RYR2: variants seen among roughly 807,000 people sequenced by gnomAD.
RYR2 encodes ryanodine receptor 2, also known as cardiac muscle ryanodine receptor-calcium release channel.
Under a neutral mutation model 601.1 loss-of-function variants are expected in RYR2, and 227 were observed. That is an observed-to-expected ratio of 0.38 (90% CI 0.34 to 0.42). The LOEUF is 0.42. Ranked by LOEUF, RYR2 falls within the 10% of genes least tolerant of loss-of-function variation. The probability of loss-of-function intolerance (pLI) is 1.00; values close to 1 mark genes in which losing one functional copy is unlikely to be tolerated. For missense variants in RYR2, 4,646 were observed against 6,156.5 expected, an observed-to-expected ratio of 0.75 and a Z score of 8.21; for synonymous variants, 2,223 against 2,175.1, an observed-to-expected ratio of 1.02 and a Z score of -0.61.
At chr1:237,313,603 G>A (rs770290634) in intron 2 of RYR2, among the ~76,000 whole-genome samples, 1 of 152,104 alleles carries the variant, frequency 6.6e-6, no homozygotes, top group Non-Finnish European at 1.5e-5. Context: ...TTTTACTTTA[G>A]CCTAATTACA....
intron 47 of RYR2, 123 bp from the exon 48 acceptor site, chr1:237,643,204 C>G: frequency 8.3e-7 from 1 of 1,198,650 alleles, no homozygotes; most frequent in Non-Finnish European, 1.2e-6. Flanking sequence ...AGAGGCATAA[C>G]TTTATGTATA....
At chr1:237,719,763 C>T (rs1327043614) in intron 73 of RYR2, among the ~76,000 whole-genome samples, 2 of 151,744 alleles carry the variant, frequency 1.3e-5, no homozygotes, top group African/African-American at 4.9e-5. Flanking sequence ...CAGGTCCCGT[C>T]TCCAACACTG....
Position 237,441,335 on chromosome 1 carries a change from G to A in RYR2, c.1022G>A (p.Gly341Glu). Residue 341 changes from glycine to glutamate, a missense_variant, in exon 13 of 105, where the codon GGG becomes GAG. This residue lies in a region of RYR2 where 1,807 missense variants were observed against 2,088.1 expected (regional missense o/e 0.87). Coordinates refer to ENST00000366574, the MANE Select transcript of RYR2 (RefSeq NM_001035.3). ...FRSSKEKLDV[G>E]VRKEVDGMGT... ...TCCCCTTAGGAAAAATTGGATGTAG[G>A]GGTGAGAAAAGAAGTAGATGGCATG... is the stretch of plus-strand genomic sequence containing the variant. 6.2e-7 allele frequency: 1 copy of A among 1,613,566 alleles called. No individual in the cohort carries two copies. Among genetic ancestry groups the A allele is most frequent in the South Asian group, 1.1e-5 (1 of 91,064 alleles).
intron 89 of RYR2, among the ~76,000 whole-genome samples, chr1:237,783,182 T>G (rs1309356712): frequency 1.6e-5 from 2 of 127,178 alleles, no homozygotes; most frequent in African/African-American, 7.1e-5. Context: ...CTTTAATAAT[T>G]AAGTCACAAT....
rs780024377 is a variant in RYR2 at position 237,593,627 on chromosome 1, T to A, written c.4427T>A (p.Val1476Glu). The change falls in exon 33 of 105, where the codon GTG becomes GAG. Residue 1476 changes from valine to glutamate, a missense_variant. Coordinates refer to ENST00000366574, the MANE Select transcript of RYR2 (RefSeq NM_001035.3). ...TVTLGDEKGKVHESIKRSNCY... is the reference protein window; with the variant it reads ...TVTLGDEKGKEHESIKRSNCY... The stretch of plus-strand genomic sequence containing the variant: ...ACTCTAGGAGATGAAAAAGGAAAAG[T>A]GCATGAAAGGTTAGTTTTCCTCAAT... 6.2e-7 allele frequency: 1 copy of A among 1,613,776 alleles called. No individual in the cohort carries two copies.
intron 98 of RYR2, among the ~76,000 whole-genome samples, chr1:237,805,604 A>G (rs202182389): frequency 0.16 from 21,467 of 138,388 alleles, 2,598 homozygotes; most frequent in East Asian, 0.47. Flanking sequence ...AAAAAAAAAA[A>G]AGTATAGTGT....
intron 10 of RYR2, among the ~76,000 whole-genome samples, chr1:237,415,298 G>A (rs991412679): frequency 3.3e-5 from 5 of 152,120 alleles, no homozygotes; most frequent in East Asian, 1.9e-4. Context: ...TTTATGCAGC[G>A]ACAGTTGAAA....
intron 1 of RYR2, among the ~76,000 whole-genome samples, chr1:237,270,102 C>T (rs1352384890): frequency 6.6e-6 from 1 of 152,084 alleles, no homozygotes; most frequent in Non-Finnish European, 1.5e-5. Context: ...GAATCTGTTC[C>T]GTTCTTGATG....
At chr1:237,772,893 G>C (rs1463422950) in intron 86 of RYR2, among the ~76,000 whole-genome samples, 2 of 152,028 alleles carry the variant, frequency 1.3e-5, no homozygotes, top group Admixed American at 1.3e-4. Flanking sequence ...GTAGTTCACA[G>C]CTCAACTAAA....
At chr1:237,361,633 T>G (rs773546770) in intron 4 of RYR2, among the ~76,000 whole-genome samples, 1 of 152,216 alleles carries the variant, frequency 6.6e-6, no homozygotes, top group Non-Finnish European at 1.5e-5. Flanking sequence ...GACATTTCAA[T>G]AACAGTTTCT....
rs149756745 is a variant in RYR2 at position 237,572,925 on chromosome 1, G to A, written c.3598+3606G>A. On this transcript the variant is annotated intron_variant, in intron 29 of 104. Coordinates refer to ENST00000366574, the MANE Select transcript of RYR2 (RefSeq NM_001035.3). ...TCCTTAATTTACCTGTCACTACTGG[G>A]AGCTAGCATTGAGGTAGCTAGAGCT... Among the ~76,000 whole-genome samples, 496 of 152,166 alleles carry A rather than the reference G, an allele frequency of 3.3e-3. 12 individuals are homozygous for A. In the East Asian group the frequency reaches 0.061, roughly 19 times the overall value.
At position 237,637,138 on chromosome 1, in the gene RYR2, C is replaced by A. The variant is rs116517591; in HGVS notation, c.6793-1219C>A. Among the ~76,000 whole-genome samples the A allele has an allele frequency of 3.0e-3, 460 of 152,278 alleles. 2 individuals are homozygous for A. The highest frequency in any genetic ancestry group is 0.011 in the African/African-American group (437 of 41,556). ...ACAGATGTCTACATCTCTCAAAGCT[C>A]ATTGAATTTATACTTCAAAGAGATG... On this transcript the variant is annotated intron_variant, in intron 44 of 104. Coordinates refer to ENST00000366574, the MANE Select transcript of RYR2 (RefSeq NM_001035.3).
chr1:237,737,348 C>T (rs1414342024), intron 79 of RYR2, among the ~76,000 whole-genome samples: 3 of 152,196 alleles, frequency 2.0e-5, no homozygotes, highest in Admixed American at 2.0e-4. Flanking sequence ...CAGTTTGTTA[C>T]ACTCGGCACA....
intron 3 of RYR2, among the ~76,000 whole-genome samples, chr1:237,344,757 C>G (rs535964063): frequency 6.6e-6 from 1 of 152,238 alleles, no homozygotes; most frequent in Non-Finnish European, 1.5e-5. Context: ...CATTCTTTAA[C>G]CAACACCACA....
chr1:237,081,261 C>T (rs1665589416), intron 1 of RYR2, among the ~76,000 whole-genome samples: 1 of 120,022 alleles, frequency 8.3e-6, no homozygotes, highest in Non-Finnish European at 1.7e-5. Flanking sequence ...GCACATGTAC[C>T]CTAAAACTTA....
chr1:237,800,702 A>G (rs1241451727), intron 97 of RYR2, among the ~76,000 whole-genome samples: 3 of 152,254 alleles, frequency 2.0e-5, no homozygotes, highest in African/African-American at 7.2e-5. Context: ...TACAATTTCT[A>G]GCCTATAAAT....
intron 79 of RYR2, among the ~76,000 whole-genome samples, chr1:237,739,058 G>A (rs998157344): frequency 9.2e-5 from 14 of 152,148 alleles, no homozygotes; most frequent in Non-Finnish European, 1.9e-4. Context: ...CTCTTGGCTA[G>A]GTACTTTTCT....
intron 12 of RYR2, among the ~76,000 whole-genome samples, chr1:237,423,630 C>T (rs1372569741): frequency 6.6e-6 from 1 of 151,996 alleles, no homozygotes; most frequent in African/African-American, 2.4e-5. Context: ...CACATCCATC[C>T]AGCTCCTTCC....
chr1:237,050,520 A>C (rs1661123063), intron 1 of RYR2, among the ~76,000 whole-genome samples: 1 of 152,180 alleles, frequency 6.6e-6, no homozygotes, highest in Non-Finnish European at 1.5e-5. Context: ...CTACTATGGC[A>C]AGCACTTTTT....
Sources: allele counts gnomAD v4.1 joint callset (sites outside exome capture counted in the v4.1 genomes callset), GRCh38; gene constraint gnomAD v4.1.1; regional missense constraint gnomAD v4.1.1; transcripts MANE v1.5; gene names NCBI Gene and HGNC (gene_info 2026-07-23, HGNC 2026-07-21).